Variants in NOMO3 observed in about 807,000 individuals in gnomAD.
NOMO3 encodes the protein BOS complex subunit NOMO3.
Under a neutral mutation model 69.9 loss-of-function variants are expected in NOMO3, and 15 were observed. The ratio of observed to expected loss-of-function variants is 0.21; its 90% CI spans 0.14 to 0.33. The LOEUF (loss-of-function observed/expected upper bound fraction) is 0.33, where lower values mean the gene tolerates loss of function less well. Among genes scored for constraint, NOMO3 ranks in the 10% least tolerant of loss-of-function variants. NOMO3 has a pLI of 1.00. For missense variants in NOMO3, 218 were observed against 761.0 expected (o/e 0.29, Z 8.39); for synonymous variants, 89 against 301.9 (o/e 0.29, Z 7.31).
At chr16:16,267,480 G>T (rs1298638205) in intron 16 of NOMO3, among the ~76,000 whole-genome samples, 1 of 142,238 alleles carries the variant, frequency 7.0e-6, no homozygotes, top group Non-Finnish European at 1.5e-5. Context: ...TGTCACCCAG[G>T]CTGGAGTGTA....
intron 1 of NOMO3, among the ~76,000 whole-genome samples, chr16:16,235,539 C>T (rs958192743): frequency 1.4e-5 from 2 of 147,036 alleles, no homozygotes; most frequent in African/African-American, 5.3e-5. Context: ...TATTTTGAGG[C>T]AGGGTCTCAC....
At chr16:16,235,715 T>G in intron 1 of NOMO3, 1 of 374,220 alleles carries the variant, frequency 2.7e-6, no homozygotes, top group Non-Finnish European at 5.3e-6. Flanking sequence ...GGTGTGGCTG[T>G]GTTGTCCAGG....
At chr16:16,237,100 T>C in intron 2 of NOMO3, 110 bp downstream of exon 2, 1 of 1,475,574 alleles carries the variant, frequency 6.8e-7, no homozygotes, top group Non-Finnish European at 9.2e-7. Context: ...GTTTTGTAAA[T>C]TATTAGTGGA....
At chr16:16,233,274 C>A (rs980358916) in intron 1 of NOMO3, among the ~76,000 whole-genome samples, 1 of 102,656 alleles carries the variant, frequency 9.7e-6, no homozygotes, top group Non-Finnish European at 1.9e-5. Flanking sequence ...CCAGAACCCC[C>A]CGAAGTTCTA....
chr16:16,269,393 G>C (rs1184506467), intron 16 of NOMO3, among the ~76,000 whole-genome samples: 1 of 140,830 alleles, frequency 7.1e-6, no homozygotes, highest in Non-Finnish European at 1.5e-5. Flanking sequence ...GATATTTGTT[G>C]AATGAAAGAC....
chr16:16,255,227 A>G (rs1189575622), intron 9 of NOMO3, among the ~76,000 whole-genome samples: 2 of 140,402 alleles, frequency 1.4e-5, no homozygotes, highest in Non-Finnish European at 3.0e-5. Flanking sequence ...TGGATTTCAT[A>G]AGGACCTGTG....
chr16:16,258,789 C>A (rs1333119185), intron 11 of NOMO3, among the ~76,000 whole-genome samples: 1 of 141,352 alleles, frequency 7.1e-6, no homozygotes, highest in Admixed American at 6.9e-5. Flanking sequence ...CGCTTGAACC[C>A]GAGAGGCAGG....
In NOMO3 at chr16:16,245,183, C is replaced by T. The variant is rs1377001936; in HGVS notation, c.509+9C>T. On this transcript the variant is annotated intron_variant, in intron 5 of 30. Coordinates refer to ENST00000399336, the MANE Select transcript of NOMO3 (RefSeq NM_001004067.4). ...ACACAGCCTGGCGGAAAGTGAGTAGCGTCCTGTCTCTTAGTGTTGCCTTAG... is the reference window on the plus strand; with the variant it reads ...ACACAGCCTGGCGGAAAGTGAGTAGTGTCCTGTCTCTTAGTGTTGCCTTAG... 1.6e-5 allele frequency: 17 copies of T among 1,059,734 alleles called. 1 individual carries two copies. Among genetic ancestry groups the T allele is most frequent in the South Asian group, 4.6e-5 (3 of 64,888 alleles). 65.6% of individuals were successfully genotyped at this position (1,059,734 alleles called of 1,614,324 possible).
intron 1 of NOMO3, 98 bp downstream of exon 1, chr16:16,232,929 A>C: frequency 3.3e-5 from 4 of 119,652 alleles, no homozygotes. Flanking sequence ...GGCGGTGTGG[A>C]GTCCTTGGAG....
intron 9 of NOMO3, among the ~76,000 whole-genome samples, chr16:16,253,252 G>A (rs1213553600): frequency 7.1e-6 from 1 of 140,598 alleles, no homozygotes; most frequent in Non-Finnish European, 1.5e-5. Flanking sequence ...AGGTAGTACA[G>A]TATCAGGGTG....
Position 16,265,188 on chromosome 16 carries a change from G to A in NOMO3, c.1806+9G>A, listed in dbSNP as rs1596813343. The A allele has an allele frequency of 5.0e-6, 8 of 1,587,656 alleles. No individual in the cohort carries two copies. The highest frequency in any genetic ancestry group is 5.9e-6 in the Non-Finnish European group (7 of 1,177,688). Reference sequence around the variant, plus strand: ...CTCACGCCATCACTCTGGTATGTACGGCTTATGGAGTCTCTTATTTGGAAA... The same window carrying A: ...CTCACGCCATCACTCTGGTATGTACAGCTTATGGAGTCTCTTATTTGGAAA... On this transcript the variant is annotated intron_variant, in intron 15 of 30. Coordinates refer to ENST00000399336, the MANE Select transcript of NOMO3 (RefSeq NM_001004067.4).
Position 16,263,207 on chromosome 16 carries a change from C to T in NOMO3, c.1529C>T (p.Ser510Phe). The T allele has an allele frequency of 4.4e-6, 7 of 1,593,844 alleles. No homozygotes were observed. The highest frequency in any genetic ancestry group is 5.9e-6 in the Non-Finnish European group (7 of 1,177,126). The change falls in exon 13 of 31, where the codon TCT becomes TTT. Residue 510 changes from serine (S) to phenylalanine (F), a missense_variant. Coordinates refer to ENST00000399336, the MANE Select transcript of NOMO3 (RefSeq NM_001004067.4). ...QFLASVSGKV[S>F]CLDTCGDLLV... ...TTGGCATCAGTTTCTGGGAAAGTCT[C>T]TTGTTTGGGTAAGATATCACTGGAA... is the stretch of plus-strand genomic sequence containing the variant.
rs762950431 is a variant in NOMO3, at chr16:16,243,172, G to A, written c.313G>A (p.Val105Met). 7 of 1,193,784 alleles carry A rather than the reference G, an allele frequency of 5.9e-6. 1 individual carries two copies. In the East Asian group the frequency reaches 1.2e-4, roughly 20 times the overall value. 73.9% of individuals were successfully genotyped at this position (1,193,784 alleles called of 1,614,324 possible). A position where few individuals can be genotyped will look rare whatever the true frequency, so the allele number is the denominator to read the frequency against. ...PLGWSFEPTT[V>M]ELHVDGVSDI... The stretch of plus-strand genomic sequence containing the variant: ...GCTTCGTTCCTCAGAGCCGACGACC[G>A]TGGAGCTCCATGTGGATGGAGTCAG... Residue 105 changes from valine (V) to methionine (M), a missense_variant, in exon 4 of 31, where the codon GTG becomes ATG. Transcript: ENST00000399336.
intron 3 of NOMO3, among the ~76,000 whole-genome samples, chr16:16,241,599 G>T (rs901723309): frequency 1.8e-5 from 2 of 109,174 alleles, no homozygotes; most frequent in Non-Finnish European, 3.5e-5. Context: ...TAGAGATGGG[G>T]TTTCATCATG....
Position 16,267,439 on chromosome 16 carries a change from CTCTT to C in NOMO3, c.1894+314_1894+317del, listed in dbSNP as rs2049628696. 7 of 404,476 alleles carry C rather than the reference CTCTT, an allele frequency of 1.7e-5. No individual in the cohort carries two copies. The South Asian group carries it at 2.5e-4, about 14-fold the overall frequency. 25.1% of individuals were successfully genotyped at this position (404,476 alleles called of 1,614,324 possible). On this transcript the variant is annotated intron_variant, in intron 16 of 30. Transcript: ENST00000399336. Reference sequence around the variant, plus strand: ...TCTCGCTCTTTCTCATTTTTTTTTTCTCTTTCTTTTTTTGAGATGGAGTCTTGCT... The same window carrying C: ...TCTCGCTCTTTCTCATTTTTTTTTTCTCTTTTTTTGAGATGGAGTCTTGCT...
chr16:16,265,668 ATATTTTTTTTTTTT>A (rs1195909988), intron 15 of NOMO3, among the ~76,000 whole-genome samples: 23 of 24,896 alleles, frequency 9.2e-4, no homozygotes, highest in South Asian at 7.1e-3. Flanking sequence ...ATATATATAT[ATATTTTTTTTTTTT>A]TTTTTTTTTT....
chr16:16,263,322 C>T, intron 13 of NOMO3, 107 bp downstream of exon 13: 6 of 1,587,530 alleles, frequency 3.8e-6, no homozygotes, highest in South Asian at 1.1e-5. Flanking sequence ...CTACTGATCA[C>T]CTGCGTGCGA....
Position 16,244,282 on chromosome 16 carries a change from A to G in NOMO3, c.403-786A>G, listed in dbSNP as rs568476992. Among the ~76,000 whole-genome samples the G allele has an allele frequency of 2.8e-5, 4 of 141,694 alleles. 1 individual carries two copies. In the East Asian group the frequency reaches 9.2e-4, roughly 33 times the overall value. The allele number at this position is 141,694 out of a possible 152,430, so 93.0% of individuals were successfully genotyped here. On this transcript the variant is annotated intron_variant, in intron 4 of 30. Coordinates refer to ENST00000399336, the MANE Select transcript of NOMO3 (RefSeq NM_001004067.4). ...AGTTTTTTCTTTATCGATGGTTTGCAAAATAATGGTGAACCTTTTTTTATT... is the reference window on the plus strand; with the variant it reads ...AGTTTTTTCTTTATCGATGGTTTGCGAAATAATGGTGAACCTTTTTTTATT...
In NOMO3 at chr16:16,261,570, A is replaced by G; in HGVS notation, c.1289A>G (p.Lys430Arg). 6.3e-7 allele frequency: 1 copy of G among 1,586,668 alleles called. No individual in the cohort carries two copies. Among genetic ancestry groups the G allele is most frequent in the Non-Finnish European group, 8.5e-7 (1 of 1,176,300 alleles). Reference sequence around the variant, plus strand: ...ACCGTCAAGCAGATGAATAAATACAAAGTTGTCCTGTCATCTCAAGACAAG... The same window carrying G: ...ACCGTCAAGCAGATGAATAAATACAGAGTTGTCCTGTCATCTCAAGACAAG... ...PDTVKQMNKY[K>R]VVLSSQDKDK... is the part of the protein sequence containing the mutation. Residue 430 changes from lysine to arginine, a missense_variant, in exon 12 of 31, where the codon AAA becomes AGA. By Grantham distance (26) the Lys-to-Arg change is conservative (BLOSUM62 2). Coordinates refer to ENST00000399336, the MANE Select transcript of NOMO3 (RefSeq NM_001004067.4).
Sources: gnomAD v4.1 joint callset for allele counts (sites outside exome capture counted in the v4.1 genomes callset) on GRCh38, gnomAD v4.1.1 for gene constraint, MANE v1.5 for transcripts, NCBI Gene and HGNC (gene_info 2026-07-23, HGNC 2026-07-21) for gene names.